PDGFD: variants seen among roughly 807,000 people sequenced by gnomAD.
PDGFD encodes the protein platelet derived growth factor D, also known as platelet-derived growth factor D.
PDGFD carries 30 observed loss-of-function variants against 44.7 expected under a neutral mutation model. The ratio of observed to expected loss-of-function variants is 0.67; its 90% CI spans 0.50 to 0.91. PDGFD has a LOEUF of 0.91. Ranked by LOEUF, PDGFD falls within the 40% of genes least tolerant of loss-of-function variation. The pLI is 0.00. For missense variants in PDGFD, 445 were observed against 457.8 expected, an observed-to-expected ratio of 0.97 and a Z score of 0.25; for synonymous variants, 173 against 168.4, an observed-to-expected ratio of 1.03 and a Z score of -0.21.
chr11:103,958,889 C>T (rs767140852), intron 3 of PDGFD, among the ~76,000 whole-genome samples: 3 of 152,156 alleles, frequency 2.0e-5, no homozygotes, highest in Non-Finnish European at 4.4e-5. Flanking sequence ...TAGCTAAAAT[C>T]ATTATCTCTA....
At chr11:103,956,789 G>C (rs1426546577) in intron 3 of PDGFD, among the ~76,000 whole-genome samples, 1 of 152,096 alleles carries the variant, frequency 6.6e-6, no homozygotes, top group Non-Finnish European at 1.5e-5. Flanking sequence ...TTGTGGTTTT[G>C]ATTTGCATTT....
Position 103,943,433 on chromosome 11 carries a change from A to C in PDGFD, c.772+19T>G. ...ATTTCTATGTGCTTATGAAGAATGT[A>C]CAAGTGTCTGTCTCTTACCTTTTGA... On this transcript the variant is annotated intron_variant, in intron 5 of 6. Transcript: ENST00000393158. 1 of 1,600,840 alleles carries C rather than the reference A, an allele frequency of 6.2e-7. No individual in the cohort carries two copies. Among genetic ancestry groups the C allele is most frequent in the Non-Finnish European group, 8.5e-7 (1 of 1,170,390 alleles).
chr11:103,941,356 ATGAGGTGG>A (rs1858581356), intron 5 of PDGFD, among the ~76,000 whole-genome samples: 1 of 152,114 alleles, frequency 6.6e-6, no homozygotes, highest in East Asian at 1.9e-4. Flanking sequence ...GACATACAAA[ATGAGGTGG>A]TGTCTTAAGT....
chr11:104,049,071 T>A (rs545810644), intron 1 of PDGFD, among the ~76,000 whole-genome samples: 1 of 152,306 alleles, frequency 6.6e-6, no homozygotes, highest in Admixed American at 6.5e-5. Flanking sequence ...CTCACGGAAC[T>A]AGAATCTATG....
At chr11:103,922,877 G>A (rs1478362276) in intron 6 of PDGFD, among the ~76,000 whole-genome samples, 1 of 151,988 alleles carries the variant, frequency 6.6e-6, no homozygotes, top group Non-Finnish European at 1.5e-5. Context: ...ACTGCTCCTG[G>A]CCTAAGAATC....
At chr11:104,144,614 A>G (rs942089772) in intron 1 of PDGFD, among the ~76,000 whole-genome samples, 2 of 152,222 alleles carry the variant, frequency 1.3e-5, no homozygotes, top group African/African-American at 4.8e-5. Context: ...GATACAACCA[A>G]TTCAATGTTG....
chr11:104,057,760 A>C (rs771789879), intron 1 of PDGFD, among the ~76,000 whole-genome samples: 6 of 152,230 alleles, frequency 3.9e-5, no homozygotes, highest in Non-Finnish European at 8.8e-5. Flanking sequence ...ATAATACCTG[A>C]TTTCAAGACT....
At chr11:103,967,072 G>C (rs545910415) in intron 3 of PDGFD, among the ~76,000 whole-genome samples, 1 of 152,112 alleles carries the variant, frequency 6.6e-6, no homozygotes, top group Non-Finnish European at 1.5e-5. Context: ...AAATATAAAA[G>C]CTATGAAAGG....
At chr11:104,162,066 T>C (rs1862397426) in intron 1 of PDGFD, among the ~76,000 whole-genome samples, 1 of 151,452 alleles carries the variant, frequency 6.6e-6, no homozygotes, top group African/African-American at 2.4e-5. Flanking sequence ...TCATGAAACA[T>C]AGCATTTCCC....
intron 1 of PDGFD, 64 bp from the exon 2 acceptor site, chr11:104,000,319 G>C (rs1565307335): frequency 7.2e-7 from 1 of 1,379,962 alleles, no homozygotes; most frequent in Non-Finnish European, 1.0e-6. Context: ...GTCAAAAAAA[G>C]AGAACAGTTT....
At chr11:104,015,102 T>G (rs1859841472) in intron 1 of PDGFD, among the ~76,000 whole-genome samples, 1 of 152,220 alleles carries the variant, frequency 6.6e-6, no homozygotes. Context: ...ATATTGCTGG[T>G]GAATCGCTTC....
intron 1 of PDGFD, among the ~76,000 whole-genome samples, chr11:104,125,090 G>A (rs188660639): frequency 1.4e-4 from 21 of 152,134 alleles, no homozygotes; most frequent in Non-Finnish European, 2.5e-4. Flanking sequence ...AGGAATAGCC[G>A]ACACTTAGTA....
intron 1 of PDGFD, among the ~76,000 whole-genome samples, chr11:104,045,993 G>T (rs1346300217): frequency 1.4e-5 from 2 of 146,980 alleles, no homozygotes; most frequent in African/African-American, 5.0e-5. Flanking sequence ...AGCAGAGGAA[G>T]ATATTACCAG....
intron 6 of PDGFD, among the ~76,000 whole-genome samples, chr11:103,917,478 C>A (rs866965535): frequency 3.9e-5 from 6 of 152,042 alleles, no homozygotes; most frequent in East Asian, 3.9e-4. Flanking sequence ...TCTTAGATCC[C>A]GGTTAGCCTT....
At chr11:104,138,191 GATAA>G (rs1862038079) in intron 1 of PDGFD, among the ~76,000 whole-genome samples, 1 of 152,092 alleles carries the variant, frequency 6.6e-6, no homozygotes, top group South Asian at 2.1e-4. Flanking sequence ...GGAATGAAAT[GATAA>G]ATATTCTCCC....
chr11:104,019,270 A>G (rs1859913625), intron 1 of PDGFD, among the ~76,000 whole-genome samples: 1 of 152,212 alleles, frequency 6.6e-6, no homozygotes, highest in Non-Finnish European at 1.5e-5. Flanking sequence ...GGCTCAATAA[A>G]TGTTCGCTGA....
At chr11:104,135,302 C>T (rs1861988112) in intron 1 of PDGFD, among the ~76,000 whole-genome samples, 1 of 152,076 alleles carries the variant, frequency 6.6e-6, no homozygotes, top group South Asian at 2.1e-4. Context: ...TGCAGGGGCA[C>T]CTATCTCAAT....
At chr11:104,039,776 A>T (rs1012988720) in intron 1 of PDGFD, among the ~76,000 whole-genome samples, 2 of 152,170 alleles carry the variant, frequency 1.3e-5, no homozygotes, top group African/African-American at 4.8e-5. Flanking sequence ...GGATTATCTC[A>T]CTGACAAAAA....
At chr11:104,156,495 C>T (rs1038749767) in intron 1 of PDGFD, among the ~76,000 whole-genome samples, 1 of 152,124 alleles carries the variant, frequency 6.6e-6, no homozygotes, top group Non-Finnish European at 1.5e-5. Flanking sequence ...CAAAAAAGTG[C>T]TCAAGGAAAA....
Sources: gnomAD v4.1 joint callset for allele counts (sites outside exome capture counted in the v4.1 genomes callset) on GRCh38, gnomAD v4.1.1 for gene constraint, MANE v1.5 for transcripts, NCBI Gene and HGNC (gene_info 2026-07-23, HGNC 2026-07-21) for gene names.